The following SLC35F4 variants were observed in gnomAD, a reference collection of about 807,000 sequenced individuals.
SLC35F4 encodes chromosome 14 open reading frame 36.
SLC35F4 carries 24 observed loss-of-function variants against 44.2 expected under a neutral mutation model. The observed-to-expected ratio is 0.54, with a 90% confidence interval of 0.39 to 0.76. SLC35F4 has a LOEUF of 0.76. SLC35F4 is among the 30% of genes least tolerant of loss of function. The pLI is 0.00. For missense variants in SLC35F4, 562 were observed against 586.1 expected, an observed-to-expected ratio of 0.96 and a Z score of 0.42; for synonymous variants, 238 against 223.6, an observed-to-expected ratio of 1.06 and a Z score of -0.57.
intron 1 of SLC35F4, among the ~76,000 whole-genome samples, chr14:57,599,072 A>G (rs1235780757): frequency 6.6e-6 from 1 of 152,262 alleles, no homozygotes; most frequent in Admixed American, 6.5e-5. Context: ...AGGATTAGAC[A>G]AAATGATTTC....
chr14:57,750,104 T>C (rs574762546), intron 1 of SLC35F4, among the ~76,000 whole-genome samples: 2 of 151,952 alleles, frequency 1.3e-5, no homozygotes, highest in East Asian at 3.9e-4. Context: ...TATGTACACA[T>C]TTTTAGCACC....
chr14:57,578,438 T>C (rs986791060), intron 4 of SLC35F4, among the ~76,000 whole-genome samples: 1 of 147,834 alleles, frequency 6.8e-6, no homozygotes, highest in African/African-American at 2.5e-5. Context: ...AAGAGCTACA[T>C]TTATGTTGTC....
chr14:57,726,607 A>G (rs59819952), intron 1 of SLC35F4, among the ~76,000 whole-genome samples: 3,191 of 151,906 alleles, frequency 0.021, 40 homozygotes, highest in Middle Eastern at 0.037. Context: ...TAGTGTGTTC[A>G]TGGTTGTACA....
intron 1 of SLC35F4, among the ~76,000 whole-genome samples, chr14:57,927,697 G>A (rs1419679201): frequency 6.6e-6 from 1 of 151,800 alleles, no homozygotes; most frequent in African/African-American, 2.4e-5. Context: ...CACCATGATG[G>A]CCAGGCTGGT....
At position 57,980,395 on chromosome 14, in the gene SLC35F4, A is replaced by T. The variant is rs533834970; in HGVS notation, n.151+1518T>A. Reference sequence around the variant, plus strand: ...GGGTGTCTTGGAAAGGTTGAGAGAAAAATGTTCTGGTGGGGTCCTGCCGAG... The same window carrying T: ...GGGTGTCTTGGAAAGGTTGAGAGAATAATGTTCTGGTGGGGTCCTGCCGAG... On this transcript the variant is annotated intron_variant and non_coding_transcript_variant, in intron 1 of 1. Transcript: ENST00000554648. Among the ~76,000 whole-genome samples, 8 of 152,268 alleles carry T rather than the reference A, an allele frequency of 5.3e-5. No homozygotes were observed. The East Asian group carries it at 1.5e-3, about 29-fold the overall frequency.
chr14:57,631,866 TA>T (rs953854291), intron 1 of SLC35F4, among the ~76,000 whole-genome samples: 1 of 152,002 alleles, frequency 6.6e-6, no homozygotes, highest in Non-Finnish European at 1.5e-5. Context: ...AGCCAAAAAT[TA>T]AAAAAAGTCT....
intron 1 of SLC35F4, among the ~76,000 whole-genome samples, chr14:57,608,032 CGTG>C (rs1457173556): frequency 1.3e-5 from 2 of 152,038 alleles, no homozygotes; most frequent in Non-Finnish European, 2.9e-5. Flanking sequence ...CAGTCTTAGA[CGTG>C]GTGAGTTTAA....
chr14:57,772,486 T>C (rs1205101420), intron 1 of SLC35F4, among the ~76,000 whole-genome samples: 1 of 152,198 alleles, frequency 6.6e-6, no homozygotes, highest in Non-Finnish European at 1.5e-5. Flanking sequence ...ATAGTGAACA[T>C]TGTACCTAAT....
chr14:57,842,413 C>T (rs541650383), intron 1 of SLC35F4, among the ~76,000 whole-genome samples: 1 of 152,160 alleles, frequency 6.6e-6, no homozygotes, highest in Non-Finnish European at 1.5e-5. Flanking sequence ...CCTTCTCCAT[C>T]CTACTCTGTG....
chr14:57,851,162 A>C (rs1397457815), intron 1 of SLC35F4, among the ~76,000 whole-genome samples: 4 of 151,134 alleles, frequency 2.6e-5, no homozygotes, highest in Non-Finnish European at 1.5e-5. Flanking sequence ...GTCCAACCAC[A>C]AGAGCTTTCT....
intron 1 of SLC35F4, among the ~76,000 whole-genome samples, chr14:57,678,318 T>A (rs1003928425): frequency 2.0e-5 from 3 of 151,942 alleles, no homozygotes; most frequent in African/African-American, 4.8e-5. Flanking sequence ...GACAAGGAAA[T>A]GCTGAGAGAT....
chr14:57,710,465 T>A (rs931808228), intron 1 of SLC35F4, among the ~76,000 whole-genome samples: 8 of 152,164 alleles, frequency 5.3e-5, no homozygotes, highest in Admixed American at 4.6e-4. Flanking sequence ...ACTAGGGCAC[T>A]GCCTAGTAGA....
At chr14:57,800,342 C>T (rs1369456033) in intron 1 of SLC35F4, among the ~76,000 whole-genome samples, 1 of 152,172 alleles carries the variant, frequency 6.6e-6, no homozygotes, top group Admixed American at 6.5e-5. Flanking sequence ...AATGACCCCA[C>T]AGAAACATCA....
chr14:57,662,814 TCC>T lies in SLC35F4; in HGVS notation c.104-68692_104-68691del, dbSNP rs1566738270. Among the ~76,000 whole-genome samples, 12 of 152,296 alleles carry T rather than the reference TCC, an allele frequency of 7.9e-5. No individual in the cohort carries two copies. The Middle Eastern group carries it at 0.01, about 130-fold the overall frequency. On this transcript the variant is annotated intron_variant, in intron 1 of 7. Coordinates refer to ENST00000556826, the MANE Select transcript of SLC35F4 (RefSeq NM_001306087.2). ...TTCTCCATCCTTTTCCACCTGTTAT[TCC>T]ACTAAAGGCTGATCTCTGAACACCG...
intron 1 of SLC35F4, among the ~76,000 whole-genome samples, chr14:57,952,142 A>G (rs946561097): frequency 9.2e-5 from 14 of 152,204 alleles, no homozygotes; most frequent in African/African-American, 2.9e-4. Flanking sequence ...ACCCAGGCAG[A>G]CAGGGTCTGG....
At chr14:57,789,154 C>A (rs2077846774) in intron 1 of SLC35F4, among the ~76,000 whole-genome samples, 1 of 151,984 alleles carries the variant, frequency 6.6e-6, no homozygotes, top group African/African-American at 2.4e-5. Context: ...AAGATCAGAG[C>A]AGAACTGAAG....
Position 57,892,535 on chromosome 14 carries a change from T to C in SLC35F4, n.282+89378A>G, listed in dbSNP as rs540753075. ...TTCATCTGCAGCTCCCAGAACCACT[T>C]TGCAGAACAGAAACCTGCCTGGCAG... On this transcript the variant is annotated intron_variant and non_coding_transcript_variant, in intron 1 of 1. Coordinates refer to the SLC35F4 transcript ENST00000556568. Among the ~76,000 whole-genome samples the C allele has an allele frequency of 3.9e-5, 6 of 152,332 alleles. No homozygotes were observed. In the South Asian group the frequency reaches 1.0e-3, roughly 26 times the overall value.
intron 1 of SLC35F4, among the ~76,000 whole-genome samples, chr14:57,668,619 T>C (rs2140262128): frequency 6.6e-6 from 1 of 152,224 alleles, no homozygotes; most frequent in Non-Finnish European, 1.5e-5. Flanking sequence ...TTTGTCAGGG[T>C]TGTCAAAGAT....
At chr14:57,606,942 T>G (rs547003943) in intron 1 of SLC35F4, among the ~76,000 whole-genome samples, 33 of 152,350 alleles carry the variant, frequency 2.2e-4, no homozygotes, top group East Asian at 2.1e-3. Context: ...GCCTACTGTG[T>G]GCCTAGCAGT....
Sources: allele counts gnomAD v4.1 joint callset (sites outside exome capture counted in the v4.1 genomes callset), GRCh38; gene constraint gnomAD v4.1.1; transcripts MANE v1.5; gene names NCBI Gene and HGNC (gene_info 2026-07-23, HGNC 2026-07-21).